Variants in LPP observed in about 807,000 individuals in gnomAD.
LPP encodes LIM domain containing preferred translocation partner in lipoma.
LPP carries 38 observed loss-of-function variants against 60.4 expected under a neutral mutation model. The ratio of observed to expected loss-of-function variants is 0.63; its 90% CI spans 0.49 to 0.83. The LOEUF is 0.83. Among genes scored for constraint, LPP ranks in the 40% least tolerant of loss-of-function variants. The probability of loss-of-function intolerance (pLI) is 0.00; values close to 1 mark genes in which losing one functional copy is unlikely to be tolerated. For synonymous variants in LPP, 328 were observed against 290.8 expected, an observed-to-expected ratio of 1.13 and a Z score of -1.30; for missense variants, 902 against 783.6, an observed-to-expected ratio of 1.15 and a Z score of -1.80.
At chr3:188,547,317 T>C (rs1293876723) in intron 6 of LPP, among the ~76,000 whole-genome samples, 1 of 152,108 alleles carries the variant, frequency 6.6e-6, no homozygotes, top group Non-Finnish European at 1.5e-5. Flanking sequence ...ACATGCACAA[T>C]ATAAATTCCT....
At chr3:188,199,249 C>T (rs933535442) in intron 1 of LPP, among the ~76,000 whole-genome samples, 6 of 152,042 alleles carry the variant, frequency 3.9e-5, no homozygotes, top group African/African-American at 1.4e-4. Flanking sequence ...TTAGCAGGTG[C>T]AGGAAGAAGC....
chr3:188,760,878 A>G (rs975520990), intron 9 of LPP, among the ~76,000 whole-genome samples: 3 of 152,202 alleles, frequency 2.0e-5, no homozygotes, highest in Admixed American at 6.5e-5. Flanking sequence ...TGAGCTAATC[A>G]TTGTTTTCTT....
chr3:188,586,913 G>C (rs1837601848), intron 6 of LPP, among the ~76,000 whole-genome samples: 2 of 151,950 alleles, frequency 1.3e-5, no homozygotes, highest in Non-Finnish European at 2.9e-5. Context: ...TTTTTTAGTA[G>C]AGACGGGGGT....
chr3:188,222,219 T>G (rs1278302464), intron 1 of LPP, among the ~76,000 whole-genome samples: 1 of 152,220 alleles, frequency 6.6e-6, no homozygotes, highest in Non-Finnish European at 1.5e-5. Flanking sequence ...TATGAATTTT[T>G]TTTCAAATGA....
chr3:188,295,263 AGT>A (rs1202233370), intron 2 of LPP, among the ~76,000 whole-genome samples: 1 of 152,196 alleles, frequency 6.6e-6, no homozygotes, highest in Non-Finnish European at 1.5e-5. Flanking sequence ...GATTCCAGTA[AGT>A]GACTCACTTC....
At chr3:188,536,095 G>A (rs1211071231) in intron 6 of LPP, among the ~76,000 whole-genome samples, 2 of 147,268 alleles carry the variant, frequency 1.4e-5, no homozygotes, top group Non-Finnish European at 3.0e-5. Flanking sequence ...CGCAACCACT[G>A]CCTCCCGGGT....
intron 1 of LPP, among the ~76,000 whole-genome samples, chr3:188,173,853 C>T (rs763558981): frequency 1.4e-4 from 22 of 152,172 alleles, no homozygotes; most frequent in Non-Finnish European, 2.5e-4. Flanking sequence ...TTGATCCTGT[C>T]CTTGTTGAAT....
intron 7 of LPP, among the ~76,000 whole-genome samples, chr3:188,683,722 T>C (rs567838302): frequency 1.3e-5 from 2 of 152,192 alleles, no homozygotes; most frequent in African/African-American, 4.8e-5. Flanking sequence ...GAAATCAGAG[T>C]TGTGTTGCGG....
At chr3:188,309,792 G>GT (rs1452986818) in intron 2 of LPP, among the ~76,000 whole-genome samples, 1 of 152,168 alleles carries the variant, frequency 6.6e-6, no homozygotes, top group African/African-American at 2.4e-5. Flanking sequence ...TTCATTTACT[G>GT]TAAGTTGAAA....
At chr3:188,580,202 C>G (rs896627157) in intron 6 of LPP, among the ~76,000 whole-genome samples, 4 of 151,554 alleles carry the variant, frequency 2.6e-5, no homozygotes, top group African/African-American at 7.3e-5. Flanking sequence ...GAGTCATACT[C>G]TTGAAATTAA....
At chr3:188,624,848 CTGCAGACAGTGA>C (rs1846526389) in intron 7 of LPP, among the ~76,000 whole-genome samples, 1 of 142,924 alleles carries the variant, frequency 7.0e-6, no homozygotes. Flanking sequence ...TGAGAATAAT[CTGCAGACAGTGA>C]CTCTACAGAT....
chr3:188,736,755 G>A (rs1722665972), intron 8 of LPP, among the ~76,000 whole-genome samples: 1 of 151,674 alleles, frequency 6.6e-6, no homozygotes, highest in Admixed American at 6.6e-5. Context: ...CATCTATAGA[G>A]ATATATGTTT....
intron 5 of LPP, among the ~76,000 whole-genome samples, chr3:188,522,160 G>A (rs1383777387): frequency 2.0e-5 from 3 of 152,174 alleles, no homozygotes; most frequent in East Asian, 1.9e-4. Flanking sequence ...GCCTTAAACA[G>A]TTTAATCAGA....
chr3:188,649,513 C>T (rs1433510360), intron 7 of LPP, among the ~76,000 whole-genome samples: 1 of 152,184 alleles, frequency 6.6e-6, no homozygotes, highest in African/African-American at 2.4e-5. Context: ...CAGTGAAACC[C>T]AGTCCCTTTC....
chr3:188,388,725 A>C (rs1778957480), intron 3 of LPP, among the ~76,000 whole-genome samples: 1 of 152,238 alleles, frequency 6.6e-6, no homozygotes. Flanking sequence ...TAAAACTTGC[A>C]AAAGTCTTCA....
At chr3:188,288,518 T>TC (rs11404074) in intron 2 of LPP, among the ~76,000 whole-genome samples, 64,517 of 151,428 alleles carry the variant, frequency 0.43, 14,441 homozygotes, top group Middle Eastern at 0.57. Context: ...TCAGCATTGC[T>TC]CCCCTTCACG....
chr3:188,414,584 A>G (rs1250649856), intron 4 of LPP, among the ~76,000 whole-genome samples: 6 of 152,202 alleles, frequency 3.9e-5, no homozygotes, highest in Non-Finnish European at 8.8e-5. Context: ...CAATGCCTCA[A>G]CACTATATAA....
At chr3:188,824,394 C>G (rs1754817638) in intron 9 of LPP, among the ~76,000 whole-genome samples, 1 of 152,154 alleles carries the variant, frequency 6.6e-6, no homozygotes, top group African/African-American at 2.4e-5. Flanking sequence ...AAATTTAGCT[C>G]CTTAGTCATA....
chr3:188,510,162 AG>A (rs1283937084), intron 5 of LPP, among the ~76,000 whole-genome samples: 1 of 152,210 alleles, frequency 6.6e-6, no homozygotes, highest in Non-Finnish European at 1.5e-5. Flanking sequence ...TCTGGGGTAT[AG>A]AAATGATTTT....
Sources: allele counts gnomAD v4.1 joint callset (sites outside exome capture counted in the v4.1 genomes callset), GRCh38; gene constraint gnomAD v4.1.1; transcripts MANE v1.5; gene names NCBI Gene and HGNC (gene_info 2026-07-23, HGNC 2026-07-21).